The following RORA variants were observed in gnomAD, a reference collection of about 807,000 sequenced individuals.
RORA encodes nuclear receptor ROR-alpha.
A neutral mutation model predicts 69.5 loss-of-function variants in RORA; 7 were observed. That is an observed-to-expected ratio of 0.10 (90% CI 0.06 to 0.19). The LOEUF (loss-of-function observed/expected upper bound fraction) is 0.19. Among genes scored for constraint, RORA ranks in the 10% least tolerant of loss-of-function variants. The probability of loss-of-function intolerance (pLI) is 1.00; values close to 1 mark genes in which losing one functional copy is unlikely to be tolerated. For missense variants in RORA, 457 were observed against 663.0 expected (o/e 0.69, Z 3.41); for synonymous variants, 261 against 240.8 (o/e 1.08, Z -0.78).
At chr15:60,868,203 A>C (rs1306521089) in intron 1 of RORA, among the ~76,000 whole-genome samples, 4 of 152,208 alleles carry the variant, frequency 2.6e-5, no homozygotes, top group Non-Finnish European at 5.9e-5. Flanking sequence ...GCAGTTTCTG[A>C]GAGTCAGAGC....
intron 1 of RORA, among the ~76,000 whole-genome samples, chr15:61,046,578 T>C (rs1186688750): frequency 6.6e-6 from 1 of 152,156 alleles, no homozygotes; most frequent in Non-Finnish European, 1.5e-5. Context: ...TTCATGCAAA[T>C]GCAGGGTGAT....
At chr15:61,080,526 T>A (rs1481591845) in intron 1 of RORA, among the ~76,000 whole-genome samples, 1 of 152,184 alleles carries the variant, frequency 6.6e-6, no homozygotes, top group African/African-American at 2.4e-5. Context: ...CCTGCATAGA[T>A]CTGGCCTTAA....
chr15:61,193,693 C>T (rs1437546), intron 1 of RORA, among the ~76,000 whole-genome samples: 124,311 of 152,204 alleles, frequency 0.82, 52,255 homozygotes, highest in Non-Finnish European at 0.93. Context: ...GAAGAAACAT[C>T]ATGTTAATTG....
intron 1 of RORA, among the ~76,000 whole-genome samples, chr15:61,177,152 A>C (rs1418478198): frequency 6.6e-6 from 1 of 152,252 alleles, no homozygotes; most frequent in African/African-American, 2.4e-5. Context: ...GTTTAATTCT[A>C]GAACTTTTCA....
intron 1 of RORA, among the ~76,000 whole-genome samples, chr15:60,978,961 CTT>C (rs543353825): frequency 1.1e-4 from 10 of 95,138 alleles, no homozygotes; most frequent in African/African-American, 1.6e-4. Context: ...CAACTTTGCT[CTT>C]TTTTTTTTTT....
At chr15:60,893,004 G>C (rs1567228064) in intron 1 of RORA, among the ~76,000 whole-genome samples, 1 of 152,204 alleles carries the variant, frequency 6.6e-6, no homozygotes, top group African/African-American at 2.4e-5. Context: ...TTCTGTGAGA[G>C]TTTGGGATTC....
chr15:60,591,628 C>T (rs2068515534), intron 2 of RORA, among the ~76,000 whole-genome samples: 1 of 152,174 alleles, frequency 6.6e-6, no homozygotes, highest in South Asian at 2.1e-4. Flanking sequence ...GTCTAACCTC[C>T]GCCCCTGCCC....
chr15:60,838,525 C>G (rs1349635283), intron 1 of RORA, among the ~76,000 whole-genome samples: 1 of 152,156 alleles, frequency 6.6e-6, no homozygotes, highest in African/African-American at 2.4e-5. Flanking sequence ...TGAGACTTGA[C>G]CTGAAACCTC....
intron 1 of RORA, among the ~76,000 whole-genome samples, chr15:60,959,559 C>T (rs928216042): frequency 5.3e-5 from 8 of 152,148 alleles, no homozygotes; most frequent in Non-Finnish European, 7.4e-5. Flanking sequence ...AACAACAAAT[C>T]CTATAGATAT....
At chr15:60,766,306 A>T (rs2071989940) in intron 1 of RORA, among the ~76,000 whole-genome samples, 1 of 152,150 alleles carries the variant, frequency 6.6e-6, no homozygotes, top group African/African-American at 2.4e-5. Flanking sequence ...TCTTTTGCAG[A>T]CTTTCGACTT....
intron 1 of RORA, among the ~76,000 whole-genome samples, chr15:60,705,097 T>C (rs1025639933): frequency 2.0e-5 from 3 of 149,428 alleles, no homozygotes; most frequent in East Asian, 2.0e-4. Flanking sequence ...CTAGTAAGAG[T>C]ATCGTTCTCA....
At chr15:61,225,564 T>C (rs2080138266) in intron 1 of RORA, among the ~76,000 whole-genome samples, 1 of 152,180 alleles carries the variant, frequency 6.6e-6, no homozygotes, top group Non-Finnish European at 1.5e-5. Context: ...CAACTGAGCT[T>C]TTCACTGTTA....
chr15:60,939,143 G>A (rs972317361), intron 1 of RORA, among the ~76,000 whole-genome samples: 6 of 152,102 alleles, frequency 3.9e-5, no homozygotes, highest in African/African-American at 7.2e-5. Context: ...GTGCTCCCTC[G>A]GAGACTTCTT....
intron 1 of RORA, among the ~76,000 whole-genome samples, chr15:60,928,073 A>G (rs1295303494): frequency 6.6e-6 from 1 of 152,128 alleles, no homozygotes; most frequent in African/African-American, 2.4e-5. Flanking sequence ...CATCTTCTCC[A>G]GGTCACATTC....
chr15:61,092,194 T>C (rs2140715679), intron 1 of RORA, among the ~76,000 whole-genome samples: 1 of 152,370 alleles, frequency 6.6e-6, no homozygotes, highest in South Asian at 2.1e-4. Context: ...TGTTTAGTTT[T>C]ATAACCATTC....
chr15:60,739,237 C>T (rs2071541836), intron 1 of RORA, among the ~76,000 whole-genome samples: 1 of 152,124 alleles, frequency 6.6e-6, no homozygotes, highest in African/African-American at 2.4e-5. Context: ...TCTTCAGTAG[C>T]ATCAGAAATG....
Position 60,981,425 on chromosome 15 carries a change from G to A in RORA, c.166+247628C>T, listed in dbSNP as rs542838705. Among the ~76,000 whole-genome samples, 15 of 151,914 alleles carry A rather than the reference G, an allele frequency of 9.9e-5. 1 individual carries two copies. The highest frequency in any genetic ancestry group is 8.5e-4 in the Admixed American group (13 of 15,270). ...CCCCTTTCTCTCTCTTCTCTGAGACGCTCTTTATGGGTGTATTGATGGGCT... is the reference window on the plus strand; with the variant it reads ...CCCCTTTCTCTCTCTTCTCTGAGACACTCTTTATGGGTGTATTGATGGGCT... On this transcript the variant is annotated intron_variant, in intron 1 of 10. Coordinates refer to ENST00000335670, the MANE Select transcript of RORA (RefSeq NM_134261.3).
At position 60,973,459 on chromosome 15, in the gene RORA, G is replaced by A. The variant is rs78321392; in HGVS notation, c.166+255594C>T. Among the ~76,000 whole-genome samples, 10 of 152,272 alleles carry A rather than the reference G, an allele frequency of 6.6e-5. No homozygotes were observed. The East Asian group carries it at 1.5e-3, about 24-fold the overall frequency. Reference sequence around the variant, plus strand: ...TGAGCTAAAAGGGTTTATGAGGGTCGGGCAGGGTGGCTGAGCAGCCTTCGC... The same window carrying A: ...TGAGCTAAAAGGGTTTATGAGGGTCAGGCAGGGTGGCTGAGCAGCCTTCGC... On this transcript the variant is annotated intron_variant, in intron 1 of 10. Coordinates refer to ENST00000335670, the MANE Select transcript of RORA (RefSeq NM_134261.3).
intron 1 of RORA, among the ~76,000 whole-genome samples, chr15:61,018,018 T>C (rs1895365301): frequency 6.6e-6 from 1 of 152,248 alleles, no homozygotes. Flanking sequence ...TAAGCTCTTC[T>C]TAAGCACTTA....
Sources: allele counts gnomAD v4.1 joint callset (sites outside exome capture counted in the v4.1 genomes callset), GRCh38; gene constraint gnomAD v4.1.1; transcripts MANE v1.5; gene names NCBI Gene and HGNC (gene_info 2026-07-23, HGNC 2026-07-21).